Variants in GABBR2 observed in about 807,000 individuals in gnomAD.
GABBR2 encodes the protein gamma-aminobutyric acid type B receptor subunit 2, also known as G-protein coupled receptor 51.
GABBR2 carries 23 observed loss-of-function variants against 105.6 expected under a neutral mutation model. The observed-to-expected ratio is 0.22, with a 90% CI of 0.16 to 0.31. GABBR2 has a LOEUF of 0.31. GABBR2 is among the 10% of genes least tolerant of loss of function. The pLI is 1.00. For synonymous variants in GABBR2, 478 were observed against 499.7 expected (o/e 0.96, Z 0.58); for missense variants, 734 against 1,245.5 (o/e 0.59, Z 6.18).
At chr9:98,672,849 C>T (rs553136210) in intron 1 of GABBR2, among the ~76,000 whole-genome samples, 1 of 152,328 alleles carries the variant, frequency 6.6e-6, no homozygotes, top group Non-Finnish European at 1.5e-5. Flanking sequence ...CCTCCCTTAA[C>T]TCTGAAAATT....
At chr9:98,551,230 C>T (rs1387029783) in intron 2 of GABBR2, among the ~76,000 whole-genome samples, 2 of 152,136 alleles carry the variant, frequency 1.3e-5, no homozygotes, top group Non-Finnish European at 2.9e-5. Context: ...TGGTGAAACC[C>T]TGTCTCTACT....
chr9:98,415,471 G>C lies in GABBR2; in HGVS notation c.1237-9330C>G, dbSNP rs544078489. Among the ~76,000 whole-genome samples the C allele has an allele frequency of 2.9e-4, 44 of 152,250 alleles. 2 individuals are homozygous for C. In the South Asian group the frequency reaches 8.7e-3, roughly 30 times the overall value. On this transcript the variant is annotated intron_variant, in intron 7 of 18. Transcript: ENST00000259455. ...TTCCCTCTCAAAGTCGAATAACAAA[G>C]AGAGCAATGAACAAGTTCAGATTCA...
At chr9:98,370,082 A>G (rs111539219) in intron 12 of GABBR2, among the ~76,000 whole-genome samples, 6 of 152,234 alleles carry the variant, frequency 3.9e-5, no homozygotes, top group African/African-American at 1.4e-4. Flanking sequence ...ATGGAACAAA[A>G]GAGAGGCAGC....
chr9:98,329,071 C>A (rs1830977205), intron 13 of GABBR2, among the ~76,000 whole-genome samples: 1 of 152,188 alleles, frequency 6.6e-6, no homozygotes, highest in Non-Finnish European at 1.5e-5. Flanking sequence ...CCAGCGAGTG[C>A]CTGGCCCGAG....
At chr9:98,579,027 G>A (rs947370952) in intron 1 of GABBR2, among the ~76,000 whole-genome samples, 2 of 152,162 alleles carry the variant, frequency 1.3e-5, no homozygotes, top group Non-Finnish European at 2.9e-5. Flanking sequence ...GTGTGTTGGA[G>A]GTGGATGATG....
intron 13 of GABBR2, among the ~76,000 whole-genome samples, chr9:98,333,703 C>T (rs1460031149): frequency 2.0e-5 from 3 of 152,174 alleles, no homozygotes; most frequent in Non-Finnish European, 4.4e-5. Flanking sequence ...TTTCACAGGT[C>T]CAGGGGTAAG....
Position 98,388,671 on chromosome 9 carries a change from A to G in GABBR2, c.1529+183T>C, listed in dbSNP as rs553083203. 2.0e-5 allele frequency among the ~76,000 whole-genome samples: 3 copies of G among 148,318 alleles called. No homozygotes were observed. The highest frequency in any genetic ancestry group is 4.2e-4 in the South Asian group (2 of 4,762). Reference sequence around the variant, plus strand: ...TGTGTGTGTGTGTGTGCGTGCACGCACACACACGTACTCACATGCATGTAA... The same window carrying G: ...TGTGTGTGTGTGTGTGCGTGCACGCGCACACACGTACTCACATGCATGTAA... On this transcript the variant is annotated intron_variant, in intron 10 of 18. Coordinates refer to ENST00000259455, the MANE Select transcript of GABBR2 (RefSeq NM_005458.8). The surrounding 1 kb of genome is among the most constrained non-coding windows in gnomAD (Gnocchi z 4.4).
At chr9:98,646,891 T>C (rs914639837) in intron 1 of GABBR2, among the ~76,000 whole-genome samples, 1 of 152,066 alleles carries the variant, frequency 6.6e-6, no homozygotes, top group African/African-American at 2.4e-5. Context: ...ATGCCAGCAA[T>C]GTGGTTTTAC....
At chr9:98,491,002 T>C (rs930877484) in intron 4 of GABBR2, among the ~76,000 whole-genome samples, 11 of 152,324 alleles carry the variant, frequency 7.2e-5, no homozygotes, top group Non-Finnish European at 1.5e-4. Flanking sequence ...TTGCCTTTTT[T>C]TTTTTGCCTG....
intron 13 of GABBR2, among the ~76,000 whole-genome samples, chr9:98,354,071 G>T (rs1335066702): frequency 1.3e-5 from 2 of 152,154 alleles, no homozygotes; most frequent in Non-Finnish European, 2.9e-5. Context: ...AGCAGTGTGG[G>T]AACAGACTAA....
chr9:98,318,522 G>GT (rs1157033156), intron 13 of GABBR2, among the ~76,000 whole-genome samples: 2 of 152,204 alleles, frequency 1.3e-5, no homozygotes, highest in Non-Finnish European at 2.9e-5. Flanking sequence ...GCGGTTAGGG[G>GT]TGGGCGAGGC....
At chr9:98,587,991 C>T (rs928353073) in intron 1 of GABBR2, among the ~76,000 whole-genome samples, 6 of 152,082 alleles carry the variant, frequency 3.9e-5, no homozygotes, top group African/African-American at 1.4e-4. Context: ...TGAGAATCAT[C>T]GAATGTTAAA....
chr9:98,371,427 CACT>C, intron 12 of GABBR2, 34 bp downstream of exon 12: 1 of 1,068,592 alleles, frequency 9.4e-7, no homozygotes, highest in Non-Finnish European at 1.5e-6. Context: ...GCTGGGTGAA[CACT>C]ACTAATACCC....
rs1288497617 is a variant in GABBR2, at chr9:98,619,483, G to A, written c.322-41411C>T. On this transcript the variant is annotated intron_variant, in intron 1 of 18. Coordinates refer to ENST00000259455, the MANE Select transcript of GABBR2 (RefSeq NM_005458.8). Reference sequence around the variant, plus strand: ...AATTCTATTATTTTAATTCTGGGCTGTAAAATGCCAACATTTACCCAAGTC... The same window carrying A: ...AATTCTATTATTTTAATTCTGGGCTATAAAATGCCAACATTTACCCAAGTC... 3.3e-5 allele frequency among the ~76,000 whole-genome samples: 5 copies of A among 152,324 alleles called. No individual in the cohort carries two copies. In the East Asian group the frequency reaches 9.6e-4, roughly 29 times the overall value.
chr9:98,667,592 C>A (rs976805854), intron 1 of GABBR2, among the ~76,000 whole-genome samples: 2 of 152,168 alleles, frequency 1.3e-5, no homozygotes, highest in African/African-American at 4.8e-5. Flanking sequence ...GCTCTCCCAC[C>A]TTCAGGGCTC....
At chr9:98,607,489 T>C in intron 1 of GABBR2, 2 of 579,970 alleles carry the variant, frequency 3.4e-6, no homozygotes, top group South Asian at 2.4e-5. Context: ...AAAATTAAAA[T>C]ATATGAATTT....
intron 6 of GABBR2, among the ~76,000 whole-genome samples, chr9:98,465,969 T>C (rs1353535814): frequency 6.6e-6 from 1 of 152,190 alleles, no homozygotes; most frequent in African/African-American, 2.4e-5. Context: ...CCCCTTGCTG[T>C]TCTCATGCTA....
intron 4 of GABBR2, among the ~76,000 whole-genome samples, chr9:98,492,349 T>TAAA (rs574771107): frequency 0.087 from 2,542 of 29,162 alleles, 292 homozygotes; most frequent in East Asian, 0.21. Context: ...TGTTTCCTAG[T>TAAA]AAAAAAAAAA....
At chr9:98,560,013 C>A (rs1395239616) in intron 2 of GABBR2, among the ~76,000 whole-genome samples, 1 of 150,638 alleles carries the variant, frequency 6.6e-6, no homozygotes, top group Non-Finnish European at 1.5e-5. Flanking sequence ...CACACACTTG[C>A]TCATATTTTC....
Sources: gnomAD v4.1 joint callset for allele counts (sites outside exome capture counted in the v4.1 genomes callset) on GRCh38, gnomAD v4.1.1 for gene constraint, Gnocchi (gnomAD v3.1) non-coding constraint, MANE v1.5 for transcripts, NCBI Gene and HGNC (gene_info 2026-07-23, HGNC 2026-07-21) for gene names.